The following SLC16A9 variants were observed in gnomAD, a reference collection of about 807,000 sequenced individuals.
SLC16A9 encodes monocarboxylate transporter 9.
SLC16A9 carries 26 observed loss-of-function variants against 44.3 expected under a neutral mutation model. The ratio of observed to expected loss-of-function variants is 0.59; its 90% confidence interval spans 0.43 to 0.81. The LOEUF (loss-of-function observed/expected upper bound fraction) is 0.81, where lower values mean the gene tolerates loss of function less well. Ranked by LOEUF, SLC16A9 falls within the 40% of genes least tolerant of loss-of-function variation. The probability of loss-of-function intolerance (pLI) is 0.00; values close to 1 mark genes in which losing one functional copy is unlikely to be tolerated. For synonymous variants in SLC16A9, 230 were observed against 225.1 expected, an observed-to-expected ratio of 1.02 and a Z score of -0.19; for missense variants, 559 against 595.8, an observed-to-expected ratio of 0.94 and a Z score of 0.64.
intron 2 of SLC16A9, among the ~76,000 whole-genome samples, chr10:59,682,684 G>A (rs1410652891): frequency 6.6e-6 from 1 of 152,082 alleles, no homozygotes; most frequent in Admixed American, 6.6e-5. Context: ...ACTAATTAGA[G>A]AACATTAAAA....
intron 4 of SLC16A9, 27 bp downstream of exon 4, chr10:59,664,200 A>G: frequency 2.6e-6 from 4 of 1,524,042 alleles, no homozygotes; most frequent in Non-Finnish European, 3.6e-6. Context: ...GAATGGTGAC[A>G]ATACTGTACT....
At chr10:59,699,558 TTCTTCA>T in intron 1 of SLC16A9, among the ~76,000 whole-genome samples, 1 of 152,332 alleles carries the variant, frequency 6.6e-6, no homozygotes, top group East Asian at 1.9e-4. Context: ...CTGCCTCTTT[TTCTTCA>T]TCTGAAAAGT....
In SLC16A9 at chr10:59,653,425, C is replaced by CAAAAAAAAAAAAAAAAAAAA. The variant is rs562805430; in HGVS notation, c.1351+230_1351+249dup. On this transcript the variant is annotated intron_variant, in intron 5 of 5. Transcript: ENST00000395348. ...TGGGCGACAGTGCAAAACTCCGTCTCAAAAAAAAAAAAAAAAAAAAGCAGG... is the reference window on the plus strand; with the variant it reads ...TGGGCGACAGTGCAAAACTCCGTCTCAAAAAAAAAAAAAAAAAAAAAAAAAAAAAAAAAAAAAAAAGCAGG... 4.5e-3 allele frequency among the ~76,000 whole-genome samples: 166 copies of CAAAAAAAAAAAAAAAAAAAA among 36,758 alleles called. 39 individuals are homozygous for CAAAAAAAAAAAAAAAAAAAA. Among genetic ancestry groups the CAAAAAAAAAAAAAAAAAAAA allele is most frequent in the Non-Finnish European group, 7.1e-3 (107 of 15,014 alleles). The allele number at this position is 36,758 out of a possible 152,430, so 24.1% of individuals were successfully genotyped here.
At chr10:59,671,689 TCCA>T (rs1018166619) in intron 3 of SLC16A9, among the ~76,000 whole-genome samples, 1 of 152,152 alleles carries the variant, frequency 6.6e-6, no homozygotes, top group African/African-American at 2.4e-5. Flanking sequence ...GCCCTGTAAC[TCCA>T]CCATCAGCGA....
At chr10:59,700,093 T>C (rs781200280) in intron 1 of SLC16A9, among the ~76,000 whole-genome samples, 1 of 152,308 alleles carries the variant, frequency 6.6e-6, no homozygotes, top group Admixed American at 6.5e-5. Context: ...ATGACAATCA[T>C]AGGCTGCTCT....
intron 2 of SLC16A9, among the ~76,000 whole-genome samples, chr10:59,681,492 GTAT>G (rs530175808): frequency 3.2e-5 from 3 of 94,988 alleles, no homozygotes; most frequent in African/African-American, 8.4e-5. Context: ...ATATGTATAT[GTAT>G]ATGTATATGT....
intron 1 of SLC16A9, among the ~76,000 whole-genome samples, chr10:59,701,542 T>G (rs1468679884): frequency 6.6e-6 from 1 of 152,204 alleles, no homozygotes; most frequent in Non-Finnish European, 1.5e-5. Flanking sequence ...AAGCTTACAG[T>G]TGTCCATCAC....
chr10:59,660,811 A>G (rs1433670175), intron 4 of SLC16A9, among the ~76,000 whole-genome samples: 1 of 152,238 alleles, frequency 6.6e-6, no homozygotes, highest in Non-Finnish European at 1.5e-5. Flanking sequence ...CACCACGATC[A>G]AGTTGGCTTC....
intron 1 of SLC16A9, 107 bp from the exon 2 acceptor site, chr10:59,684,434 A>G (rs1840089522): frequency 1.9e-6 from 1 of 518,520 alleles, no homozygotes; most frequent in Non-Finnish European, 3.3e-6. Flanking sequence ...AAGGTTCTCC[A>G]AAGACATACA....
intron 1 of SLC16A9, among the ~76,000 whole-genome samples, chr10:59,697,208 G>A (rs991738942): frequency 4.6e-5 from 7 of 150,710 alleles, no homozygotes; most frequent in Admixed American, 3.3e-4. Context: ...CCCTCTGCCC[G>A]GCCACCACCC....
intron 1 of SLC16A9, among the ~76,000 whole-genome samples, chr10:59,693,030 C>A (rs1303861536): frequency 6.6e-6 from 1 of 152,298 alleles, no homozygotes. Context: ...GTTCTTGAGT[C>A]CGCCTTCTCC....
chr10:59,668,274 G>A (rs1482065173), intron 3 of SLC16A9, among the ~76,000 whole-genome samples: 1 of 152,120 alleles, frequency 6.6e-6, no homozygotes, highest in Non-Finnish European at 1.5e-5. Context: ...CACCATCTGT[G>A]CATTCCTTAA....
At chr10:59,696,972 A>G (rs1450977294) in intron 1 of SLC16A9, among the ~76,000 whole-genome samples, 16 of 123,626 alleles carry the variant, frequency 1.3e-4, no homozygotes, top group South Asian at 3.0e-4. Flanking sequence ...CCCCGTCCAG[A>G]AGGGAGGTGG....
At chr10:59,669,015 G>A (rs534533426) in intron 3 of SLC16A9, among the ~76,000 whole-genome samples, 2 of 152,122 alleles carry the variant, frequency 1.3e-5, no homozygotes, top group South Asian at 4.2e-4. Flanking sequence ...AGTGGACTAC[G>A]CAGGTATTAC....
intron 4 of SLC16A9, among the ~76,000 whole-genome samples, chr10:59,656,840 A>G (rs1198208262): frequency 1.3e-5 from 2 of 152,206 alleles, no homozygotes; most frequent in African/African-American, 4.8e-5. Context: ...TTTTAAAATA[A>G]TCATTGTAAA....
intron 2 of SLC16A9, among the ~76,000 whole-genome samples, chr10:59,678,162 T>C (rs1219569680): frequency 6.6e-6 from 1 of 151,384 alleles, no homozygotes; most frequent in East Asian, 2.0e-4. Flanking sequence ...AGTGAATACA[T>C]AAGTTGGCTG....
chr10:59,691,397 T>C (rs1404243151), intron 1 of SLC16A9, among the ~76,000 whole-genome samples: 2 of 152,154 alleles, frequency 1.3e-5, no homozygotes, highest in African/African-American at 4.8e-5. Context: ...TTTTTTATAC[T>C]ACAGGGTTTA....
chr10:59,704,749 C>G (rs1171620), intron 1 of SLC16A9, among the ~76,000 whole-genome samples: 121,918 of 152,190 alleles, frequency 0.8, 49,057 homozygotes, highest in East Asian at 1. Flanking sequence ...ACCCTCTCCT[C>G]CAGAGCTTGG....
intron 1 of SLC16A9, among the ~76,000 whole-genome samples, chr10:59,685,575 T>G (rs1442223933): frequency 6.6e-6 from 1 of 152,254 alleles, no homozygotes; most frequent in Admixed American, 6.5e-5. Context: ...CAATGCATAC[T>G]GACCTTCCTT....
Sources: allele counts gnomAD v4.1 joint callset (sites outside exome capture counted in the v4.1 genomes callset), GRCh38; gene constraint gnomAD v4.1.1; transcripts MANE v1.5; gene names NCBI Gene and HGNC (gene_info 2026-07-23, HGNC 2026-07-21).